Variants in DPF3 observed in about 807,000 individuals in gnomAD.
DPF3 encodes the protein zinc finger protein DPF3.
DPF3 carries 18 observed loss-of-function variants against 56.8 expected under a neutral mutation model. That is an observed-to-expected ratio of 0.32 (90% CI 0.22 to 0.47). DPF3 has a LOEUF of 0.47. Among genes scored for constraint, DPF3 ranks in the 20% least tolerant of loss-of-function variants. The probability of loss-of-function intolerance (pLI) is 1.00; values close to 1 mark genes in which losing one functional copy is unlikely to be tolerated. For synonymous variants in DPF3, 188 were observed against 180.2 expected (o/e 1.04, Z -0.35); for missense variants, 403 against 488.8 (o/e 0.82, Z 1.65).
At chr14:72,687,107 C>T (rs1023678179) in intron 7 of DPF3, among the ~76,000 whole-genome samples, 12 of 152,206 alleles carry the variant, frequency 7.9e-5, no homozygotes, top group African/African-American at 2.9e-4. Flanking sequence ...TTGGTTCTCC[C>T]CTTTCAGCTC....
intron 1 of DPF3, among the ~76,000 whole-genome samples, chr14:72,867,405 G>A (rs1420705056): frequency 6.6e-6 from 1 of 152,034 alleles, no homozygotes; most frequent in Non-Finnish European, 1.5e-5. Flanking sequence ...CCCTTCCATG[G>A]TCTCTAAGGT....
intron 1 of DPF3, among the ~76,000 whole-genome samples, chr14:72,846,078 G>GTTTATTTTATTTTATTTTATTTTAT (rs58779335): frequency 0.011 from 1,414 of 133,714 alleles, 25 homozygotes; most frequent in Non-Finnish European, 0.016. Flanking sequence ...TTATTTTACT[G>GTTTATTTTATTTTATTTTATTTTAT]TTTATTTTAT....
At chr14:72,756,032 G>A (rs113333735) in intron 2 of DPF3, among the ~76,000 whole-genome samples, 4,434 of 152,248 alleles carry the variant, frequency 0.029, 219 homozygotes, top group African/African-American at 0.1. Context: ...GGTAGATGGA[G>A]GTGGGGAAGG....
chr14:72,632,892 T>C (rs540422956), intron 8 of DPF3, among the ~76,000 whole-genome samples: 180 of 122,412 alleles, frequency 1.5e-3, no homozygotes, highest in Non-Finnish European at 2.7e-3. Context: ...GAAGGAAGGA[T>C]GAAGGGGCTG....
intron 6 of DPF3, among the ~76,000 whole-genome samples, chr14:72,706,834 T>A (rs1325149535): frequency 1.3e-5 from 2 of 152,102 alleles, no homozygotes; most frequent in African/African-American, 4.8e-5. Flanking sequence ...TTTTCTTTTA[T>A]TATTATTATA....
At chr14:72,806,320 C>A (rs943827636) in intron 1 of DPF3, among the ~76,000 whole-genome samples, 7 of 152,148 alleles carry the variant, frequency 4.6e-5, no homozygotes, top group Non-Finnish European at 1.0e-4. Flanking sequence ...CAGTATTAGC[C>A]ATGCGCTCCT....
chr14:72,800,260 C>A (rs1892816149), intron 1 of DPF3, among the ~76,000 whole-genome samples: 1 of 152,210 alleles, frequency 6.6e-6, no homozygotes, highest in African/African-American at 2.4e-5. Context: ...TGGCAGCTCA[C>A]CACGGCCCCC....
At chr14:72,845,810 G>C (rs1884726508) in intron 1 of DPF3, among the ~76,000 whole-genome samples, 1 of 152,138 alleles carries the variant, frequency 6.6e-6, no homozygotes, top group South Asian at 2.1e-4. Flanking sequence ...AAACGAGAAG[G>C]GTTCTCTTTT....
chr14:72,860,258 C>T (rs2140095981), intron 1 of DPF3, among the ~76,000 whole-genome samples: 1 of 152,338 alleles, frequency 6.6e-6, no homozygotes, highest in Admixed American at 6.5e-5. Context: ...TCATAGCTCA[C>T]TACAATGTCC....
At chr14:72,671,076 A>G in intron 8 of DPF3, 2 of 1,589,150 alleles carry the variant, frequency 1.3e-6, no homozygotes, top group Non-Finnish European at 1.7e-6. Context: ...TATCAGAACC[A>G]GCACAATGAC....
intron 3 of DPF3, among the ~76,000 whole-genome samples, chr14:72,740,889 G>A (rs1462930909): frequency 6.6e-6 from 1 of 152,140 alleles, no homozygotes; most frequent in Non-Finnish European, 1.5e-5. Flanking sequence ...GTCATCTATA[G>A]ACTGGGGCCT....
At chr14:72,812,456 T>C (rs940432649) in intron 1 of DPF3, among the ~76,000 whole-genome samples, 1 of 151,990 alleles carries the variant, frequency 6.6e-6, no homozygotes, top group African/African-American at 2.4e-5. Flanking sequence ...TTTTGGGAGC[T>C]GGGAGGGGCT....
intron 7 of DPF3, among the ~76,000 whole-genome samples, chr14:72,674,722 A>G (rs1886837368): frequency 6.6e-6 from 1 of 152,244 alleles, no homozygotes; most frequent in Non-Finnish European, 1.5e-5. Context: ...CCCAGGCCCC[A>G]GGCATCAGAT....
intron 8 of DPF3, among the ~76,000 whole-genome samples, chr14:72,635,746 C>T (rs572821327): frequency 9.4e-4 from 143 of 152,340 alleles, no homozygotes; most frequent in Non-Finnish European, 1.7e-3. Context: ...AATACACAAA[C>T]TGCTATGACA....
chr14:72,751,612 T>C (rs1484259557), intron 3 of DPF3, among the ~76,000 whole-genome samples: 1 of 152,106 alleles, frequency 6.6e-6, no homozygotes. Context: ...CAAAAAGAGA[T>C]GTGGGGATGT....
At chr14:72,836,490 T>C in intron 1 of DPF3, 6 of 985,496 alleles carry the variant, frequency 6.1e-6, no homozygotes, top group Non-Finnish European at 7.2e-6. Context: ...TGAAACTAGG[T>C]CTTCCCTTGG....
intron 8 of DPF3, among the ~76,000 whole-genome samples, chr14:72,664,613 A>G (rs970259264): frequency 2.1e-5 from 2 of 96,132 alleles, no homozygotes; most frequent in Non-Finnish European, 4.2e-5. Flanking sequence ...ACCCCTCACC[A>G]CCACCTCACC....
At chr14:72,646,334 T>A (rs2526916) in intron 8 of DPF3, among the ~76,000 whole-genome samples, 4,125 of 152,302 alleles carry the variant, frequency 0.027, 147 homozygotes, top group African/African-American at 0.072. Flanking sequence ...GAGGATGGGA[T>A]ATCTGCTTAC....
At chr14:72,776,836 G>A (rs914614877) in intron 1 of DPF3, among the ~76,000 whole-genome samples, 1 of 143,672 alleles carries the variant, frequency 7.0e-6, no homozygotes, top group Non-Finnish European at 1.5e-5. Context: ...GCCTGCTCCC[G>A]CCCACTCAAG....
Sources: allele counts gnomAD v4.1 joint callset (sites outside exome capture counted in the v4.1 genomes callset), GRCh38; gene constraint gnomAD v4.1.1; transcripts MANE v1.5; gene names NCBI Gene and HGNC (gene_info 2026-07-23, HGNC 2026-07-21).